The following SPOCK1 variants were observed in gnomAD, a reference collection of about 807,000 sequenced individuals.
SPOCK1 encodes SPARC (osteonectin), cwcv and kazal like domains proteoglycan 1.
SPOCK1 carries 23 observed loss-of-function variants against 55.3 expected under a neutral mutation model. The observed-to-expected ratio is 0.42, with a 90% CI of 0.30 to 0.59. The LOEUF (loss-of-function observed/expected upper bound fraction) is 0.59. Ranked by LOEUF, SPOCK1 falls within the 20% of genes least tolerant of loss-of-function variation. SPOCK1 has a pLI of 0.22. For missense variants in SPOCK1, 499 were observed against 552.5 expected (o/e 0.90, Z 0.97); for synonymous variants, 226 against 221.0 (o/e 1.02, Z -0.20).
chr5:137,012,557 A>C (rs566324685), intron 6 of SPOCK1, among the ~76,000 whole-genome samples: 2 of 152,296 alleles, frequency 1.3e-5, no homozygotes, highest in East Asian at 1.9e-4. Flanking sequence ...TGACATAACC[A>C]GTGAAATATA....
At chr5:137,192,386 C>T (rs115652722) in intron 3 of SPOCK1, among the ~76,000 whole-genome samples, 206 of 152,266 alleles carry the variant, frequency 1.4e-3, no homozygotes, top group African/African-American at 4.9e-3. Context: ...CTCCCAAGAC[C>T]TGAAGTTCAA....
chr5:137,417,169 C>T (rs1274291803), intron 2 of SPOCK1, among the ~76,000 whole-genome samples: 1 of 151,782 alleles, frequency 6.6e-6, no homozygotes, highest in African/African-American at 2.4e-5. Flanking sequence ...TCTAAGAGCC[C>T]AAGTTCTTAA....
intron 5 of SPOCK1, among the ~76,000 whole-genome samples, chr5:137,071,019 C>CT (rs10570894): frequency 7.2e-4 from 102 of 141,158 alleles, no homozygotes; most frequent in African/African-American, 2.2e-3. Context: ...AGGCCAATTT[C>CT]TTTTTTTTTT....
At chr5:137,349,463 G>A (rs910158533) in intron 2 of SPOCK1, among the ~76,000 whole-genome samples, 4 of 152,164 alleles carry the variant, frequency 2.6e-5, no homozygotes, top group Admixed American at 6.5e-5. Context: ...GACTAGAGGC[G>A]GAAGATCAAG....
intron 2 of SPOCK1, among the ~76,000 whole-genome samples, chr5:137,321,770 C>G (rs1408752421): frequency 6.6e-6 from 1 of 151,664 alleles, no homozygotes; most frequent in African/African-American, 2.4e-5. Flanking sequence ...CCCAGCTACT[C>G]AGGAGGGTCA....
At chr5:137,280,326 A>G (rs1267801141) in intron 2 of SPOCK1, among the ~76,000 whole-genome samples, 1 of 152,236 alleles carries the variant, frequency 6.6e-6, no homozygotes. Context: ...TGGGGAAACA[A>G]TAGGAATGTT....
intron 2 of SPOCK1, among the ~76,000 whole-genome samples, chr5:137,326,963 G>A (rs1301129842): frequency 1.3e-5 from 2 of 152,142 alleles, no homozygotes; most frequent in Admixed American, 6.5e-5. Flanking sequence ...TCATCCAAAA[G>A]AGCCTCACTC....
chr5:136,978,690 A>T lies in SPOCK1; in HGVS notation c.1284T>A (p.Asp428Glu). Residue 428 changes from aspartate to glutamate, a missense_variant, in exon 11 of 11, where the codon GAT becomes GAA. Transcript: ENST00000394945. ...ACCCGACCTCATCCTCTTTGTCATC[A>T]TCCTCATCCTCATCATCCTCTGTCA... The part of the protein sequence containing the change: ...RAVTEDDEDE[D>E]DDKEDEVGYI... The T allele has an allele frequency of 6.2e-7, 1 of 1,612,490 alleles. No homozygotes were observed. Among genetic ancestry groups the T allele is most frequent in the Non-Finnish European group, 8.5e-7 (1 of 1,179,448 alleles).
At chr5:137,497,187 C>G (rs1211455081) in intron 2 of SPOCK1, among the ~76,000 whole-genome samples, 1 of 152,272 alleles carries the variant, frequency 6.6e-6, no homozygotes, top group East Asian at 1.9e-4. Context: ...AAGCTGATCC[C>G]CATACATATC....
rs145231226 is a variant in SPOCK1, at chr5:137,103,960, A to G, written c.474+8475T>C. On this transcript the variant is annotated intron_variant, in intron 5 of 10. Transcript: ENST00000394945. ...ATCTGACACTGAGTGTTTGTCCCCA[A>G]CCTTCAAACTGTTGAATGTATACAG... is the stretch of plus-strand genomic sequence containing the variant. Among the ~76,000 whole-genome samples, 182 of 152,336 alleles carry G rather than the reference A, an allele frequency of 1.2e-3. 3 individuals are homozygous for G. The Middle Eastern group carries it at 0.024, about 20-fold the overall frequency.
At chr5:137,311,586 C>G (rs926912640) in intron 2 of SPOCK1, among the ~76,000 whole-genome samples, 1 of 152,236 alleles carries the variant, frequency 6.6e-6, no homozygotes, top group Admixed American at 6.5e-5. Flanking sequence ...ATCTACTCCG[C>G]TCTTTTCCTT....
intron 6 of SPOCK1, among the ~76,000 whole-genome samples, chr5:137,001,570 T>G (rs1751149320): frequency 6.6e-6 from 1 of 152,228 alleles, no homozygotes; most frequent in Non-Finnish European, 1.5e-5. Flanking sequence ...GACCATGCAC[T>G]TGAGTGCAAG....
intron 2 of SPOCK1, among the ~76,000 whole-genome samples, chr5:137,485,911 T>G (rs528663013): frequency 6.6e-6 from 1 of 152,338 alleles, no homozygotes; most frequent in Admixed American, 6.5e-5. Context: ...TATCTCCTGA[T>G]CTGGCTGTTT....
chr5:137,028,626 G>A (rs1260850393), intron 6 of SPOCK1, among the ~76,000 whole-genome samples: 1 of 152,036 alleles, frequency 6.6e-6, no homozygotes, highest in East Asian at 1.9e-4. Flanking sequence ...GATCAGTGAG[G>A]TCCAAACCTC....
At chr5:137,361,302 T>C (rs935701281) in intron 2 of SPOCK1, among the ~76,000 whole-genome samples, 6 of 152,244 alleles carry the variant, frequency 3.9e-5, no homozygotes, top group African/African-American at 1.2e-4. Context: ...GACAATGTTA[T>C]AATGATTAAT....
At chr5:137,218,190 T>C (rs1009632899) in intron 3 of SPOCK1, among the ~76,000 whole-genome samples, 18 of 152,236 alleles carry the variant, frequency 1.2e-4, no homozygotes, top group African/African-American at 4.1e-4. Flanking sequence ...AGGGGTGTAA[T>C]TTGTTTAAGG....
chr5:137,081,916 C>T (rs969802962), intron 5 of SPOCK1, among the ~76,000 whole-genome samples: 2 of 152,198 alleles, frequency 1.3e-5, no homozygotes, highest in Non-Finnish European at 2.9e-5. Context: ...TGAAAATGGT[C>T]AAGGGCTGGA....
intron 4 of SPOCK1, among the ~76,000 whole-genome samples, chr5:137,128,729 A>C (rs1753822448): frequency 6.6e-6 from 1 of 152,222 alleles, no homozygotes; most frequent in Non-Finnish European, 1.5e-5. Flanking sequence ...ATATGCTCTT[A>C]AACACTAGTA....
intron 2 of SPOCK1, among the ~76,000 whole-genome samples, chr5:137,410,188 C>T (rs927349929): frequency 9.9e-5 from 15 of 152,204 alleles, no homozygotes; most frequent in African/African-American, 3.1e-4. Context: ...TCCTGATATT[C>T]GGCATTCACA....
Sources: gnomAD v4.1 joint callset for allele counts (sites outside exome capture counted in the v4.1 genomes callset) on GRCh38, gnomAD v4.1.1 for gene constraint, MANE v1.5 for transcripts, NCBI Gene and HGNC (gene_info 2026-07-23, HGNC 2026-07-21) for gene names.